TF: variants seen among roughly 807,000 people sequenced by gnomAD.
The protein encoded by TF is transferrin, also known as serotransferrin.
TF carries 55 observed loss-of-function variants against 82.4 expected under a neutral mutation model. The ratio of observed to expected loss-of-function variants is 0.67; its 90% confidence interval spans 0.54 to 0.84. The LOEUF (loss-of-function observed/expected upper bound fraction) is 0.84. Among genes scored for constraint, TF ranks in the 40% least tolerant of loss-of-function variants. The pLI is 0.00. For synonymous variants in TF, 332 were observed against 332.6 expected, an observed-to-expected ratio of 1.00 and a Z score of 0.02; for missense variants, 737 against 868.4, an observed-to-expected ratio of 0.85 and a Z score of 1.90.
intron 12 of TF, among the ~76,000 whole-genome samples, chr3:133,767,440 C>A (rs1003017136): frequency 6.6e-6 from 1 of 152,166 alleles, no homozygotes; most frequent in Non-Finnish European, 1.5e-5. Context: ...TGAGAGTATG[C>A]CTCTGTACCA....
the TF span, among the ~76,000 whole-genome samples, chr3:133,724,741 C>T: frequency 6.6e-6 from 1 of 152,198 alleles, no homozygotes; most frequent in Non-Finnish European, 1.5e-5. Flanking sequence ...ATGCCTATGT[C>T]CTGAATGGTA....
At chr3:133,662,832 T>G in the TF span, among the ~76,000 whole-genome samples, 1 of 152,268 alleles carries the variant, frequency 6.6e-6, no homozygotes, top group African/African-American at 2.4e-5. Flanking sequence ...AAAATGACTT[T>G]GGATTTACTA....
upstream of TF, among the ~76,000 whole-genome samples, chr3:133,744,624 A>T (rs1553737509): frequency 6.6e-6 from 1 of 152,158 alleles, no homozygotes; most frequent in Non-Finnish European, 1.5e-5. Context: ...TGGACGGGCA[A>T]GGGGGGAGTA....
In TF at chr3:133,755,490, C is replaced by T; in HGVS notation, c.630C>T (p.Ala210=). 1 of 1,614,076 alleles carries T rather than the reference C, an allele frequency of 6.2e-7. No individual in the cohort carries two copies. Among genetic ancestry groups the T allele is most frequent in the African/African-American group, 1.3e-5 (1 of 75,054 alleles). The part of the protein sequence containing the change: ...TLNQYFGYSG[A]FKCLKDGAGD... Reference sequence around the variant, plus strand: ...ACCAATACTTCGGCTACTCGGGAGCCTTCAAGTGAGTGAGATGTCTGCTGC... The same window carrying T: ...ACCAATACTTCGGCTACTCGGGAGCTTTCAAGTGAGTGAGATGTCTGCTGC... The change falls in exon 5 of 17, where the codon GCC becomes GCT. Residue 210 remains alanine (A), a synonymous_variant. Transcript: ENST00000402696.
At chr3:133,696,793 C>CTT in the TF span, among the ~76,000 whole-genome samples, 110 of 142,044 alleles carry the variant, frequency 7.7e-4, 1 homozygote, top group Middle Eastern at 7.5e-3. Context: ...ACTTCTTCTT[C>CTT]TTTTTTTTTT....
At chr3:133,749,824 C>T (rs1001811904) in intron 2 of TF, among the ~76,000 whole-genome samples, 1 of 152,064 alleles carries the variant, frequency 6.6e-6, no homozygotes, top group Non-Finnish European at 1.5e-5. Flanking sequence ...AAGAGCTAGG[C>T]TCCATTCTGA....
intron 14 of TF, chr3:133,773,649 C>T (rs1934313592): frequency 6.6e-6 from 1 of 152,012 alleles, no homozygotes; most frequent in African/African-American, 2.4e-5. Flanking sequence ...AAATTTCCAC[C>T]AATAAACGTG....
At chr3:133,753,474 T>C in intron 2 of TF, 121 bp from the exon 3 acceptor site, 1 of 812,294 alleles carries the variant, frequency 1.2e-6, no homozygotes, top group African/African-American at 1.7e-5. Context: ...CTGTGCGTGG[T>C]CTAGTCAAGT....
chr3:133,738,747 A>G, the TF span, among the ~76,000 whole-genome samples: 1 of 152,220 alleles, frequency 6.6e-6, no homozygotes, highest in Non-Finnish European at 1.5e-5. Flanking sequence ...CTAGGAATAC[A>G]ACTTACAAGG....
intron 4 of TF, among the ~76,000 whole-genome samples, 182 bp downstream of exon 4, chr3:133,754,853 C>CT (rs1218423499): frequency 6.6e-6 from 1 of 152,176 alleles, no homozygotes; most frequent in Non-Finnish European, 1.5e-5. Context: ...TGGAGCTGAG[C>CT]TTTTTTCTGC....
Position 133,784,116 on chromosome 3 carries a change from A to G in TF, c.*5496A>G, listed in dbSNP as rs904223753. The G allele has an allele frequency of 6.6e-6, 1 of 152,320 alleles. No homozygotes were observed. Among genetic ancestry groups the G allele is most frequent in the African/African-American group, 2.4e-5 (1 of 41,468 alleles). 9.4% of individuals were successfully genotyped at this position (152,320 alleles called of 1,614,324 possible). ...CGACACCCACCTAGTCCCGAGGACA[A>G]CCGACAAAGTCCTTAATGGGCCCAG... On this transcript the variant is annotated 3_prime_UTR_variant, in exon 17 of 17. Transcript: ENST00000402696.
intron 16 of TF, chr3:133,778,282 C>T: frequency 2.8e-6 from 1 of 356,406 alleles, no homozygotes; most frequent in South Asian, 2.4e-5. Flanking sequence ...GGAGGACAGT[C>T]TTCCTGGGCG....
intron 1 of TF, 64 bp downstream of exon 1, chr3:133,746,547 G>A: frequency 3.3e-6 from 5 of 1,534,356 alleles, no homozygotes; most frequent in South Asian, 1.2e-5. Context: ...CAACCCGGGC[G>A]GCCACCGCGC....
At chr3:133,689,237 G>T in the TF span, among the ~76,000 whole-genome samples, 1 of 152,076 alleles carries the variant, frequency 6.6e-6, no homozygotes, top group South Asian at 2.1e-4. Flanking sequence ...GGAGTCTGAG[G>T]CAGGAGAACC....
the TF span, among the ~76,000 whole-genome samples, chr3:133,724,046 A>C: frequency 6.6e-6 from 1 of 152,200 alleles, no homozygotes. Context: ...TTCTTAATCC[A>C]GTCAATCATT....
chr3:133,745,284 A>T (rs1559865296), upstream of TF, among the ~76,000 whole-genome samples: 1 of 152,272 alleles, frequency 6.6e-6, no homozygotes, highest in Non-Finnish European at 1.5e-5. Context: ...TTGGATAAGA[A>T]GTAACTTTTG....
At chr3:133,758,032 C>G in intron 8 of TF, 86 bp downstream of exon 8, 1 of 1,293,600 alleles carries the variant, frequency 7.7e-7, no homozygotes, top group Non-Finnish European at 1.1e-6. Context: ...TTTTCAGGGA[C>G]CTGCACGCCT....
chr3:133,764,741 G>T lies in TF; in HGVS notation c.1298-134G>T, dbSNP rs1199167657. On this transcript the variant is annotated intron_variant, in intron 10 of 16. Transcript: ENST00000402696. ...TGCATGATCCAGAGAGTCTGGACTT[G>T]TTGGGAATTGATGACATGTATAGAT... 5.9e-6 allele frequency: 5 copies of T among 840,878 alleles called. No individual in the cohort carries two copies. In the South Asian group the frequency reaches 8.1e-5, roughly 14 times the overall value. 52.1% of individuals were successfully genotyped at this position (840,878 alleles called of 1,614,324 possible). A position where few individuals can be genotyped will look rare whatever the true frequency, so the allele number is the denominator to read the frequency against.
chr3:133,726,852 G>T, the TF span, among the ~76,000 whole-genome samples: 7 of 151,990 alleles, frequency 4.6e-5, no homozygotes, highest in Non-Finnish European at 1.0e-4. Context: ...ATTCTGGTAT[G>T]TTGTGTCTTT....
Sources: gnomAD v4.1 joint callset for allele counts (sites outside exome capture counted in the v4.1 genomes callset) on GRCh38, gnomAD v4.1.1 for gene constraint, MANE v1.5 for transcripts, NCBI Gene and HGNC (gene_info 2026-07-23, HGNC 2026-07-21) for gene names.